Variants in RRBP1 observed in about 807,000 individuals in gnomAD.
RRBP1 encodes ribosome-binding protein 1.
In RRBP1, 94 loss-of-function variants were observed where a neutral mutation model predicts 165.2. That is an observed-to-expected ratio of 0.57 (90% CI 0.48 to 0.68). RRBP1 has a LOEUF of 0.68. Among genes scored for constraint, RRBP1 ranks in the 30% least tolerant of loss-of-function variants. The pLI is 0.00. For missense variants in RRBP1, 1,676 were observed against 1,763.0 expected (o/e 0.95, Z 0.88); for synonymous variants, 680 against 714.5 (o/e 0.95, Z 0.77).
intron 16 of RRBP1, 60 bp from the exon 17 acceptor site, chr20:17,620,867 CGCATCTTCCTGTCCCTGCA>C: frequency 1.6e-6 from 2 of 1,247,628 alleles, no homozygotes; most frequent in Non-Finnish European, 2.3e-6. Flanking sequence ...ACCACACAAC[CGCATCTTCCTGTCCCTGCA>C]GCCCTGGTGA....
rs1404939230 is a variant in RRBP1, at chr20:17,627,543, C to G, written c.2889G>C (p.Leu963=). ...LTERIRSIEA[L]LEAGQARDAQ... ...CATCCCGCGCCTGGCCCGCCTCCAG[C>G]AGGGCCTCAATGGAACGGATTCTCT... Residue 963 remains leucine (L), a synonymous_variant, in exon 10 of 25, where the codon CTG becomes CTC. Transcript: ENST00000377813. The G allele has an allele frequency of 1.2e-6, 2 of 1,612,908 alleles. No homozygotes were observed. Among genetic ancestry groups the G allele is most frequent in the South Asian group, 2.2e-5 (2 of 90,994 alleles).
At chr20:17,632,702 A>G (rs2036174430) in intron 8 of RRBP1, among the ~76,000 whole-genome samples, 1 of 152,172 alleles carries the variant, frequency 6.6e-6, no homozygotes, top group Non-Finnish European at 1.5e-5. Context: ...CCAAGTGGGC[A>G]TGACATCAAG....
intron 3 of RRBP1, among the ~76,000 whole-genome samples, chr20:17,655,034 G>C (rs1031972488): frequency 4.6e-5 from 7 of 152,184 alleles, no homozygotes; most frequent in African/African-American, 1.7e-4. Context: ...ATTATATCAG[G>C]AAGGTTTTAA....
chr20:17,622,324 G>A (rs1285850550), intron 13 of RRBP1, among the ~76,000 whole-genome samples: 1 of 152,186 alleles, frequency 6.6e-6, no homozygotes, highest in Non-Finnish European at 1.5e-5. Flanking sequence ...CAGTTGATGT[G>A]TGAGAGCCAG....
chr20:17,633,056 C>T (rs183486221), intron 8 of RRBP1, among the ~76,000 whole-genome samples: 5 of 152,284 alleles, frequency 3.3e-5, no homozygotes, highest in East Asian at 3.9e-4. Context: ...GGCTCCAGAG[C>T]GAGACTTGGG....
At chr20:17,636,353 A>G (rs141250498) in intron 6 of RRBP1, among the ~76,000 whole-genome samples, 6 of 152,166 alleles carry the variant, frequency 3.9e-5, no homozygotes, top group African/African-American at 1.4e-4. Flanking sequence ...TGTATTTCAT[A>G]CCTCCCTGGC....
chr20:17,638,880 T>C (rs952924127), intron 5 of RRBP1, among the ~76,000 whole-genome samples: 3 of 152,088 alleles, frequency 2.0e-5, no homozygotes, highest in Non-Finnish European at 4.4e-5. Context: ...TCCAACCTGC[T>C]TTCCCAGCCA....
At chr20:17,637,270 A>G (rs1036689635) in intron 5 of RRBP1, among the ~76,000 whole-genome samples, 1 of 152,162 alleles carries the variant, frequency 6.6e-6, no homozygotes, top group African/African-American at 2.4e-5. Flanking sequence ...GGCTCCGATC[A>G]GTGCCAGATA....
chr20:17,654,617 G>C (rs887879885), intron 3 of RRBP1, among the ~76,000 whole-genome samples: 5 of 152,176 alleles, frequency 3.3e-5, no homozygotes, highest in Admixed American at 3.3e-4. Context: ...GAGCATCATG[G>C]AATCAGGGAG....
chr20:17,674,647 T>A (rs1301959053), intron 2 of RRBP1, among the ~76,000 whole-genome samples: 1 of 151,302 alleles, frequency 6.6e-6, no homozygotes, highest in African/African-American at 2.4e-5. Flanking sequence ...GCGCCTGTAG[T>A]CCAGCAGGAG....
At chr20:17,618,512 C>T in intron 20 of RRBP1, 84 bp downstream of exon 20, 1 of 1,084,858 alleles carries the variant, frequency 9.2e-7, no homozygotes, top group Non-Finnish European at 1.4e-6. Flanking sequence ...TTTGAGTGGA[C>T]ACAAACGCAT....
intron 20 of RRBP1, among the ~76,000 whole-genome samples, chr20:17,618,393 C>T (rs2035841825): frequency 1.3e-5 from 2 of 152,214 alleles, no homozygotes; most frequent in Admixed American, 1.3e-4. Flanking sequence ...ACCCTGGTCC[C>T]AACAGCCACA....
rs1382485335 is a variant in RRBP1, at chr20:17,658,832, T to G, written c.1676A>C (p.Lys559Thr). The G allele has an allele frequency of 6.2e-7, 1 of 1,614,026 alleles. No individual in the cohort carries two copies. Among genetic ancestry groups the G allele is most frequent in the Non-Finnish European group, 8.5e-7 (1 of 1,179,896 alleles). ...KADSVANQGT[K>T]VEGITNQGKK... The stretch of plus-strand genomic sequence containing the variant: ...CCCCTGGTTTGTAATACCCTCTACC[T>G]TTGTGCCCTGATTAGCAACCGAATC... Residue 559 changes from lysine (K) to threonine (T), a missense_variant, in exon 3 of 25, where the codon AAG becomes ACG. Around this residue, in one of 5 missense-constraint regions of RRBP1, gnomAD observed 1,184 missense variants for 1,167.1 expected, o/e 1.01. Transcript: ENST00000377813.
chr20:17,647,145 G>A (rs929271088), intron 3 of RRBP1, among the ~76,000 whole-genome samples: 3 of 152,222 alleles, frequency 2.0e-5, no homozygotes, highest in African/African-American at 7.2e-5. Context: ...AGGGCCAGGT[G>A]GTCTCTAGAC....
chr20:17,634,173 G>T (rs1480148929), intron 7 of RRBP1, among the ~76,000 whole-genome samples: 6 of 152,256 alleles, frequency 3.9e-5, no homozygotes, highest in Non-Finnish European at 8.8e-5. Context: ...GGGGCAGCTG[G>T]AGGCCTGCCT....
At chr20:17,654,533 C>T (rs967630427) in intron 3 of RRBP1, among the ~76,000 whole-genome samples, 3 of 152,208 alleles carry the variant, frequency 2.0e-5, no homozygotes, top group Middle Eastern at 3.2e-3. Context: ...CACTCAATCA[C>T]GTGTGTGTTT....
At position 17,620,713 on chromosome 20, in the gene RRBP1, A is replaced by C. The variant is rs774083213; in HGVS notation, c.3507+2T>G. 1 of 1,602,438 alleles carries C rather than the reference A, an allele frequency of 6.2e-7. No individual in the cohort carries two copies. Reference sequence around the variant, plus strand: ...CCGGGAGGCAGGCAGGGCTGCATATACCTTCTGGAGCTCCTCCTCTGCGGC... The same window carrying C: ...CCGGGAGGCAGGCAGGGCTGCATATCCCTTCTGGAGCTCCTCCTCTGCGGC... On this transcript the variant is annotated splice_donor_variant, in intron 17 of 24. Transcript: ENST00000377813. LOFTEE classifies it high-confidence loss of function.
chr20:17,624,961 G>C (rs770122755), intron 12 of RRBP1, among the ~76,000 whole-genome samples: 1 of 152,220 alleles, frequency 6.6e-6, no homozygotes, highest in Non-Finnish European at 1.5e-5. Flanking sequence ...TGTCCTCAAA[G>C]GGAAGAGGTT....
At chr20:17,620,157 A>AC in intron 18 of RRBP1, 142 bp downstream of exon 18, 1 of 701,290 alleles carries the variant, frequency 1.4e-6, no homozygotes, top group Non-Finnish European at 2.5e-6. Context: ...AGGATGGACA[A>AC]GATCCCTTGG....
Sources: allele counts gnomAD v4.1 joint callset (sites outside exome capture counted in the v4.1 genomes callset), GRCh38; gene constraint gnomAD v4.1.1; regional missense constraint gnomAD v4.1.1; transcripts MANE v1.5; gene names NCBI Gene and HGNC (gene_info 2026-07-23, HGNC 2026-07-21).